Variants in OR6B1 observed in about 807,000 individuals in gnomAD.
OR6B1 encodes the protein olfactory receptor 6B1.
Under a neutral mutation model 15.4 loss-of-function variants are expected in OR6B1, and 15 were observed. The observed-to-expected ratio is 0.97, with a 90% CI of 0.65 to 1.50. The LOEUF is 1.50. Ranked by LOEUF, OR6B1 falls within the 40% of genes most tolerant of loss-of-function variation. OR6B1 has a pLI of 0.00. For missense variants in OR6B1, 384 were observed against 385.0 expected (o/e 1.00, Z 0.02); for synonymous variants, 139 against 144.9 (o/e 0.96, Z 0.29).
intron 1 of OR6B1, among the ~76,000 whole-genome samples, chr7:144,002,053 T>C (rs1430019211): frequency 6.6e-6 from 1 of 152,236 alleles, no homozygotes; most frequent in Non-Finnish European, 1.5e-5. Flanking sequence ...CCTAAAATAG[T>C]CAGGAATTTT....
rs775511451 is a variant in OR6B1 at position 144,004,891 on chromosome 7, C to T, written c.895C>T (p.Leu299=). The T allele has an allele frequency of 7.5e-6, 12 of 1,608,916 alleles. No individual in the cohort carries two copies. Among genetic ancestry groups the T allele is most frequent in the Admixed American group, 1.7e-5 (1 of 59,736 alleles). Reference sequence around the variant, plus strand: ...AAGAAACCGAGAGGTCAAGGAAGCTCTGAAGAAACTGGCATATTGCCAGGC... The same window carrying T: ...AAGAAACCGAGAGGTCAAGGAAGCTTTGAAGAAACTGGCATATTGCCAGGC... ...CLRNREVKEA[L]KKLAYCQASR... is the part of the protein sequence containing the mutation. The change falls in exon 2 of 2, where the codon CTG becomes TTG. Residue 299 remains leucine, a synonymous_variant. Coordinates refer to ENST00000641698, the MANE Select transcript of OR6B1 (RefSeq NM_001005281.3).
intron 1 of OR6B1, among the ~76,000 whole-genome samples, chr7:144,003,242 A>G (rs974565102): frequency 5.9e-5 from 9 of 152,186 alleles, no homozygotes; most frequent in Admixed American, 5.2e-4. Context: ...GATTATTGCC[A>G]TTAGTTTATA....
At position 144,005,610 on chromosome 7, in the gene OR6B1, T is replaced by C. The variant is rs1196012460; in HGVS notation, c.*678T>C. 3 of 152,226 alleles carry C rather than the reference T, an allele frequency of 2.0e-5. No individual in the cohort carries two copies. The highest frequency in any genetic ancestry group is 2.9e-5 in the Non-Finnish European group (2 of 68,044). 9.4% of individuals were successfully genotyped at this position (152,226 alleles called of 1,614,324 possible). On this transcript the variant is annotated 3_prime_UTR_variant, in exon 2 of 2. Transcript: ENST00000641698. Reference sequence around the variant, plus strand: ...CTTTAGTGGATGAACATAAAATAGATGATAAATAAATATCATCAAATATAT... The same window carrying C: ...CTTTAGTGGATGAACATAAAATAGACGATAAATAAATATCATCAAATATAT...
Position 144,004,580 on chromosome 7 carries a change from C to A in OR6B1, c.584C>A (p.Thr195Asn). ...LNLSCTDMSI[T>N]ELVDFILALV... ...CTCTCCTGCACAGACATGTCCATAA[C>A]TGAGTTGGTAGACTTTATCCTGGCA... Residue 195 changes from threonine (T) to asparagine (N), a missense_variant, in exon 2 of 2, where the codon ACT becomes AAT. Coordinates refer to ENST00000641698, the MANE Select transcript of OR6B1 (RefSeq NM_001005281.3). 1 of 1,614,142 alleles carries A rather than the reference C, an allele frequency of 6.2e-7. No individual in the cohort carries two copies. The highest frequency in any genetic ancestry group is 8.5e-7 in the Non-Finnish European group (1 of 1,179,974).
At chr7:144,002,368 G>A (rs960284650) in intron 1 of OR6B1, among the ~76,000 whole-genome samples, 1 of 152,194 alleles carries the variant, frequency 6.6e-6, no homozygotes, top group Non-Finnish European at 1.5e-5. Flanking sequence ...TAGTAAGACA[G>A]TTAGTAAAGA....
Position 144,004,840 on chromosome 7 carries a change from T to G in OR6B1, c.844T>G (p.Ser282Ala). ...ISIFYAIVTPSLNPFIYCLRN... is the reference protein window; with the variant it reads ...ISIFYAIVTPALNPFIYCLRN... ...CATCTTCTATGCCATTGTCACTCCT[T>G]CTCTCAACCCTTTCATTTATTGCCT... is the stretch of plus-strand genomic sequence containing the variant. The change falls in exon 2 of 2, where the codon TCT becomes GCT. Residue 282 changes from serine (S) to alanine (A), a missense_variant. Coordinates refer to ENST00000641698, the MANE Select transcript of OR6B1 (RefSeq NM_001005281.3). The G allele has an allele frequency of 6.2e-7, 1 of 1,613,270 alleles. No homozygotes were observed. Among genetic ancestry groups the G allele is most frequent in the Non-Finnish European group, 8.5e-7 (1 of 1,180,018 alleles).
rs1448119086 is a variant in OR6B1 at position 144,004,666 on chromosome 7, A to T, written c.670A>T (p.Thr224Ser). The change falls in exon 2 of 2, where the codon ACC becomes TCC. Residue 224 changes from threonine (T) to serine (S), a missense_variant. Transcript: ENST00000641698. ...TVLSYGCILA[T>S]ILCMPTGKQK... is the part of the protein sequence containing the mutation. The stretch of plus-strand genomic sequence containing the variant: ...CCTGTCCTACGGATGCATTCTGGCC[A>T]CCATATTATGCATGCCCACAGGAAA... 1 of 1,614,182 alleles carries T rather than the reference A, an allele frequency of 6.2e-7. No individual in the cohort carries two copies. Among genetic ancestry groups the T allele is most frequent in the East Asian group, 2.2e-5 (1 of 44,886 alleles).
chr7:144,005,255 A>C lies in OR6B1; in HGVS notation c.*323A>C, dbSNP rs150360121. ...AGTTAGCTGTTTTTGGATCTGCCAT[A>C]CACTAATAGCTCTGGGGCCAACAAA... On this transcript the variant is annotated 3_prime_UTR_variant, in exon 2 of 2. Coordinates refer to ENST00000641698, the MANE Select transcript of OR6B1 (RefSeq NM_001005281.3). 1,836 of 231,824 alleles carry C rather than the reference A, an allele frequency of 7.9e-3. 84 individuals carry two copies. In the Admixed American group the frequency reaches 0.08, roughly 10 times the overall value. 14.4% of individuals were successfully genotyped at this position (231,824 alleles called of 1,614,324 possible).
At position 144,004,469 on chromosome 7, in the gene OR6B1, C is replaced by A. The variant is rs374206359; in HGVS notation, c.473C>A (p.Ala158Glu). ...SWAIGFGISL[A>E]KIYFISCLSF... ...GCCATTGGCTTTGGCATCTCCCTGG[C>A]GAAGATCTACTTCATCTCCTGCCTC... is the stretch of plus-strand genomic sequence containing the variant. The change falls in exon 2 of 2, where the codon GCG becomes GAG. Residue 158 changes from alanine (A) to glutamate (E), a missense_variant. Coordinates refer to ENST00000641698, the MANE Select transcript of OR6B1 (RefSeq NM_001005281.3). 2 of 1,614,018 alleles carry A rather than the reference C, an allele frequency of 1.2e-6. No homozygotes were observed. The highest frequency in any genetic ancestry group is 2.2e-5 in the East Asian group (1 of 44,878).
intron 1 of OR6B1, among the ~76,000 whole-genome samples, chr7:144,001,328 G>C (rs2050583775): frequency 6.6e-6 from 1 of 152,160 alleles, no homozygotes; most frequent in Admixed American, 6.5e-5. Context: ...TGAGAAATAA[G>C]GAATTCTTTG....
chr7:144,004,778 G>C lies in OR6B1; in HGVS notation c.782G>C (p.Arg261Pro). The C allele has an allele frequency of 1.2e-6, 2 of 1,614,102 alleles. No individual in the cohort carries two copies. Among genetic ancestry groups the C allele is most frequent in the Non-Finnish European group, 1.7e-6 (2 of 1,180,024 alleles). ...SAIIFMYARP[R>P]VIHAFNMNKI... ...ATTATTTTCATGTATGCTCGACCTCGAGTTATCCATGCCTTCAACATGAAC... is the reference window on the plus strand; with the variant it reads ...ATTATTTTCATGTATGCTCGACCTCCAGTTATCCATGCCTTCAACATGAAC... The change falls in exon 2 of 2, where the codon CGA becomes CCA. Residue 261 changes from arginine to proline, a missense_variant. Coordinates refer to ENST00000641698, the MANE Select transcript of OR6B1 (RefSeq NM_001005281.3).
chr7:144,005,576 C>G lies in OR6B1; in HGVS notation c.*644C>G, dbSNP rs1249086539. ...TTTTATATTTCCCTTCTAGGTGCCA[C>G]AATGTATCCTTTAGTGGATGAACAT... On this transcript the variant is annotated 3_prime_UTR_variant, in exon 2 of 2. Coordinates refer to ENST00000641698, the MANE Select transcript of OR6B1 (RefSeq NM_001005281.3). 3 of 152,170 alleles carry G rather than the reference C, an allele frequency of 2.0e-5. No homozygotes were observed. Among genetic ancestry groups the G allele is most frequent in the Non-Finnish European group, 4.4e-5 (3 of 68,026 alleles). The allele number at this position is 152,170 out of a possible 1,614,324, so 9.4% of individuals were successfully genotyped here.
Position 144,006,796 on chromosome 7 carries a change from A to G in OR6B1, c.*1864A>G, listed in dbSNP as rs1369740393. 1 of 152,212 alleles carries G rather than the reference A, an allele frequency of 6.6e-6. No homozygotes were observed. The highest frequency in any genetic ancestry group is 2.4e-5 in the African/African-American group (1 of 41,450). The allele number at this position is 152,212 out of a possible 1,614,324, so 9.4% of individuals were successfully genotyped here. On this transcript the variant is annotated 3_prime_UTR_variant, in exon 2 of 2. Transcript: ENST00000641698. ...TTCACCATGTGACCTTGGCCAAACC[A>G]TCTATACTTTTGGAAACACTGAGTC...
At position 144,004,775 on chromosome 7, in the gene OR6B1, C is replaced by T. The variant is rs2050613023; in HGVS notation, c.779C>T (p.Pro260Leu). ...YSAIIFMYAR[P>L]RVIHAFNMNK... is the part of the protein sequence containing the mutation. ...GCCATTATTTTCATGTATGCTCGACCTCGAGTTATCCATGCCTTCAACATG... is the reference window on the plus strand; with the variant it reads ...GCCATTATTTTCATGTATGCTCGACTTCGAGTTATCCATGCCTTCAACATG... Residue 260 changes from proline (P) to leucine (L), a missense_variant, in exon 2 of 2, where the codon CCT (proline) becomes CTT (leucine). By Grantham distance (98) the Pro-to-Leu change is moderately conservative. Coordinates refer to ENST00000641698, the MANE Select transcript of OR6B1 (RefSeq NM_001005281.3). 1 of 1,614,168 alleles carries T rather than the reference C, an allele frequency of 6.2e-7. No individual in the cohort carries two copies. The highest frequency in any genetic ancestry group is 8.5e-7 in the Non-Finnish European group (1 of 1,180,016).
At chr7:144,001,185 G>T (rs1270519057) in intron 1 of OR6B1, among the ~76,000 whole-genome samples, 2 of 152,118 alleles carry the variant, frequency 1.3e-5, no homozygotes, top group East Asian at 3.8e-4. Flanking sequence ...TGCTATGAGG[G>T]GTAACATGTT....
rs1312231301 is a variant in OR6B1 at position 144,004,535 on chromosome 7, A to G, written c.539A>G (p.Asp180Gly). 6.2e-7 allele frequency: 1 copy of G among 1,614,192 alleles called. No individual in the cohort carries two copies. Among genetic ancestry groups the G allele is most frequent in the Non-Finnish European group, 8.5e-7 (1 of 1,180,036 alleles). ...AATGTCATCAACCACTTCTTCTGTGACATCTCTCCAGTACTTAATCTCTCC... is the reference window on the plus strand; with the variant it reads ...AATGTCATCAACCACTTCTTCTGTGGCATCTCTCCAGTACTTAATCTCTCC... ...GPNVINHFFC[D>G]ISPVLNLSCT... The change falls in exon 2 of 2, where the codon GAC becomes GGC. Residue 180 changes from aspartate to glycine, a missense_variant. Transcript: ENST00000641698.
At position 144,004,794 on chromosome 7, in the gene OR6B1, CA is replaced by C; in HGVS notation, c.800del (p.Asn267ThrfsTer2). On this transcript the variant is annotated frameshift_variant, in exon 2 of 2. Coordinates refer to ENST00000641698, the MANE Select transcript of OR6B1 (RefSeq NM_001005281.3). LOFTEE classifies it high-confidence loss of function. ...YARPRVIHAF[N>X]MNKIISIFYA... The stretch of plus-strand genomic sequence containing the variant: ...CTCGACCTCGAGTTATCCATGCCTT[CA>C]ACATGAACAAAATTATTTCCATCTT... 1 of 1,614,064 alleles carries C rather than the reference CA, an allele frequency of 6.2e-7. No homozygotes were observed. The highest frequency in any genetic ancestry group is 8.5e-7 in the Non-Finnish European group (1 of 1,179,988).
rs2050606714 is a variant in OR6B1, at chr7:144,004,351, G to A, written c.355G>A (p.Ala119Thr). 1 of 1,614,184 alleles carries A rather than the reference G, an allele frequency of 6.2e-7. No individual in the cohort carries two copies. The highest frequency in any genetic ancestry group is 8.5e-7 in the Non-Finnish European group (1 of 1,180,040). ...CTECVLLAAM[A>T]YDRYVAICRP... Reference sequence around the variant, plus strand: ...AGAATGTGTGCTTCTGGCCGCCATGGCCTATGACCGGTATGTGGCCATCTG... The same window carrying A: ...AGAATGTGTGCTTCTGGCCGCCATGACCTATGACCGGTATGTGGCCATCTG... Residue 119 changes from alanine to threonine, a missense_variant, in exon 2 of 2, where the codon GCC (alanine) becomes ACC (threonine). Physicochemically the swap from Ala to Thr is moderately conservative, Grantham distance 58. Transcript: ENST00000641698.
rs751238502 is a variant in OR6B1, at chr7:144,004,154, G to A, written c.158G>A (p.Arg53Gln). The stretch of plus-strand genomic sequence containing the variant: ...ATCATCCTATTGGTGCTGCAAAATC[G>A]GCCACTGCACAAGCCTATGTACTTC... ...VIIILLVLQN[R>Q]PLHKPMYFFL... is the part of the protein sequence containing the mutation. The change falls in exon 2 of 2, where the codon CGG (arginine) becomes CAG (glutamine). Residue 53 changes from arginine to glutamine, a missense_variant. By Grantham distance (43) the Arg-to-Gln change is conservative. Transcript: ENST00000641698. The A allele has an allele frequency of 1.3e-5, 21 of 1,613,952 alleles. No homozygotes were observed. Among genetic ancestry groups the A allele is most frequent in the African/African-American group, 4.0e-5 (3 of 74,868 alleles).
Sources: gnomAD v4.1 joint callset for allele counts (sites outside exome capture counted in the v4.1 genomes callset) on GRCh38, gnomAD v4.1.1 for gene constraint, MANE v1.5 for transcripts, NCBI Gene and HGNC (gene_info 2026-07-23, HGNC 2026-07-21) for gene names.